Variants in GRIK2 observed in about 807,000 individuals in gnomAD.
GRIK2 encodes glutamate receptor ionotropic, kainate 2.
Under a neutral mutation model 100.3 loss-of-function variants are expected in GRIK2, and 32 were observed. That is an observed-to-expected ratio of 0.32 (90% CI 0.24 to 0.43). The LOEUF (loss-of-function observed/expected upper bound fraction) is 0.43. GRIK2 is among the 20% of genes least tolerant of loss of function. GRIK2 has a pLI of 1.00. For synonymous variants in GRIK2, 417 were observed against 389.4 expected (o/e 1.07, Z -0.83); for missense variants, 843 against 1,114.9 (o/e 0.76, Z 3.47).
chr6:101,616,244 C>A (rs1011720024), intron 2 of GRIK2, among the ~76,000 whole-genome samples: 18 of 151,882 alleles, frequency 1.2e-4, no homozygotes, highest in African/African-American at 4.3e-4. Context: ...CTTTCACTGT[C>A]CTGTTTTCTG....
intron 7 of GRIK2, among the ~76,000 whole-genome samples, chr6:101,784,118 G>A (rs1180687851): frequency 6.6e-6 from 1 of 152,176 alleles, no homozygotes; most frequent in Non-Finnish European, 1.5e-5. Context: ...CAAGAAAATG[G>A]GGAAAATGTC....
intron 14 of GRIK2, among the ~76,000 whole-genome samples, chr6:101,943,875 C>T (rs966530939): frequency 2.0e-5 from 3 of 152,062 alleles, no homozygotes; most frequent in African/African-American, 7.2e-5. Flanking sequence ...GTTGGAAAAG[C>T]ATGATTGCGT....
chr6:101,619,442 G>T (rs1212978023), intron 2 of GRIK2, among the ~76,000 whole-genome samples: 1 of 151,752 alleles, frequency 6.6e-6, no homozygotes, highest in African/African-American at 2.4e-5. Context: ...TTATTTTAAA[G>T]ATTGATAAAG....
intron 12 of GRIK2, among the ~76,000 whole-genome samples, chr6:101,902,145 C>T (rs1787890845): frequency 6.6e-6 from 1 of 151,838 alleles, no homozygotes; most frequent in African/African-American, 2.4e-5. Flanking sequence ...TAAATATTCC[C>T]ACAATAACAA....
intron 2 of GRIK2, among the ~76,000 whole-genome samples, chr6:101,484,343 T>C (rs2128262866): frequency 6.6e-6 from 1 of 152,318 alleles, no homozygotes; most frequent in Non-Finnish European, 1.5e-5. Flanking sequence ...CTGAAGAGAA[T>C]GTTGAATATT....
chr6:102,038,987 T>TGAG (rs1286756182), intron 15 of GRIK2, among the ~76,000 whole-genome samples: 1 of 151,390 alleles, frequency 6.6e-6, no homozygotes, highest in Non-Finnish European at 1.5e-5. Context: ...GGAAATATTA[T>TGAG]GAGTCTTTTT....
chr6:101,791,132 A>G (rs974988654), intron 7 of GRIK2, among the ~76,000 whole-genome samples: 17 of 151,880 alleles, frequency 1.1e-4, no homozygotes, highest in Admixed American at 5.2e-4. Context: ...CAGTCTATCA[A>G]TTTTGTTGAT....
chr6:101,752,838 TTAAAA>T (rs1219400270), intron 7 of GRIK2, among the ~76,000 whole-genome samples: 4 of 152,188 alleles, frequency 2.6e-5, no homozygotes, highest in African/African-American at 9.7e-5. Context: ...TTAAGTAGTT[TTAAAA>T]TATCATCCTG....
chr6:101,773,625 T>C (rs1358922930), intron 7 of GRIK2, among the ~76,000 whole-genome samples: 1 of 152,170 alleles, frequency 6.6e-6, no homozygotes, highest in East Asian at 1.9e-4. Flanking sequence ...TAAATTGATA[T>C]TATCAGTTGT....
Position 101,928,615 on chromosome 6 carries a change from A to C in GRIK2, c.2068A>C (p.Thr690Pro). ...IEYGAVEDGA[T>P]MTFFKKSKIS... ...ATATGGAGCAGTAGAGGATGGTGCA[A>C]CCATGACTTTTTTCAAGGTAAGTTC... The change falls in exon 14 of 17, where the codon ACC becomes CCC. Residue 690 changes from threonine to proline, a missense_variant. Thr to Pro is a conservative substitution (Grantham distance 38). Coordinates refer to ENST00000369134, the MANE Select transcript of GRIK2 (RefSeq NM_021956.5). The C allele has an allele frequency of 6.3e-7, 1 of 1,580,050 alleles. No homozygotes were observed. The highest frequency in any genetic ancestry group is 8.7e-7 in the Non-Finnish European group (1 of 1,149,140).
At chr6:101,695,457 T>C (rs948482153) in intron 7 of GRIK2, among the ~76,000 whole-genome samples, 1 of 152,160 alleles carries the variant, frequency 6.6e-6, no homozygotes, top group Non-Finnish European at 1.5e-5. Flanking sequence ...TGTCAAACCA[T>C]AGCACGCACT....
chr6:102,059,656 A>ATTT (rs1307067314), intron 16 of GRIK2, among the ~76,000 whole-genome samples: 3 of 150,982 alleles, frequency 2.0e-5, no homozygotes, highest in African/African-American at 7.3e-5. Context: ...AGATATAATA[A>ATTT]TTTTAATTTT....
At chr6:101,543,154 A>G (rs1446751852) in intron 2 of GRIK2, among the ~76,000 whole-genome samples, 1 of 152,224 alleles carries the variant, frequency 6.6e-6, no homozygotes, top group Non-Finnish European at 1.5e-5. Context: ...TACCTGGAAT[A>G]GATCAATTTT....
chr6:102,056,417 A>G (rs1218261192), intron 16 of GRIK2, among the ~76,000 whole-genome samples: 1 of 151,972 alleles, frequency 6.6e-6, no homozygotes, highest in East Asian at 1.9e-4. Context: ...ATGCAAATTC[A>G]TTGCTCTGGA....
intron 14 of GRIK2, among the ~76,000 whole-genome samples, chr6:101,953,719 T>C (rs1233514596): frequency 6.6e-6 from 1 of 152,212 alleles, no homozygotes. Context: ...CATTTTACTT[T>C]GTTCATCGTG....
intron 7 of GRIK2, among the ~76,000 whole-genome samples, chr6:101,759,486 T>A (rs909054367): frequency 5.3e-5 from 8 of 152,172 alleles, no homozygotes; most frequent in African/African-American, 1.7e-4. Flanking sequence ...CTATTGAGCT[T>A]CATTACACCT....
intron 2 of GRIK2, among the ~76,000 whole-genome samples, chr6:101,568,266 T>C (rs1450990002): frequency 1.3e-5 from 2 of 152,006 alleles, no homozygotes; most frequent in Non-Finnish European, 2.9e-5. Flanking sequence ...ACATTGAGCA[T>C]AAACAAGGAC....
chr6:101,917,670 T>C (rs1789207091), intron 12 of GRIK2, among the ~76,000 whole-genome samples: 1 of 151,584 alleles, frequency 6.6e-6, no homozygotes, highest in Non-Finnish European at 1.5e-5. Context: ...ATATTTTTAT[T>C]CAACAAAGTG....
chr6:101,739,296 A>G (rs142145131), intron 7 of GRIK2, among the ~76,000 whole-genome samples: 1 of 152,258 alleles, frequency 6.6e-6, no homozygotes, highest in African/African-American at 2.4e-5. Context: ...GGGTGATTGG[A>G]GGGTATATTT....
Sources: gnomAD v4.1 joint callset for allele counts (sites outside exome capture counted in the v4.1 genomes callset) on GRCh38, gnomAD v4.1.1 for gene constraint, MANE v1.5 for transcripts, NCBI Gene and HGNC (gene_info 2026-07-23, HGNC 2026-07-21) for gene names.